The following TMOD1 variants were observed in gnomAD, a reference collection of about 807,000 sequenced individuals.
TMOD1 encodes the protein tropomodulin-1.
TMOD1 carries 17 observed loss-of-function variants against 40.6 expected under a neutral mutation model. The observed-to-expected ratio is 0.42, with a 90% CI of 0.29 to 0.63. The LOEUF (loss-of-function observed/expected upper bound fraction) is 0.63, where lower values mean the gene tolerates loss of function less well. TMOD1 is among the 20% of genes least tolerant of loss of function. The pLI is 0.22. For synonymous variants in TMOD1, 181 were observed against 175.0 expected, an observed-to-expected ratio of 1.03 and a Z score of -0.27; for missense variants, 391 against 447.6, an observed-to-expected ratio of 0.87 and a Z score of 1.14.
intron 1 of TMOD1, chr9:97,512,865 T>C (rs1346498860): frequency 1.3e-5 from 2 of 152,190 alleles, no homozygotes; most frequent in Non-Finnish European, 2.9e-5. Flanking sequence ...TTCATTTGAA[T>C]GTCTACATAG....
chr9:97,570,291 C>T (rs1331808244), intron 8 of TMOD1, among the ~76,000 whole-genome samples: 2 of 152,194 alleles, frequency 1.3e-5, no homozygotes, highest in African/African-American at 4.8e-5. Flanking sequence ...GCCTTTCCCT[C>T]CTCATGGAAT....
intron 8 of TMOD1, among the ~76,000 whole-genome samples, chr9:97,574,013 G>T (rs1830866190): frequency 6.6e-6 from 1 of 152,208 alleles, no homozygotes; most frequent in Non-Finnish European, 1.5e-5. Context: ...TGTCACAGGA[G>T]TTGACCAGAA....
rs1030881127 is a variant in TMOD1 at position 97,557,592 on chromosome 9, A to T, written c.397+4192A>T. ...CCCTGCCAGTGGCAGGGTGTATCTTATCCAGGAGCAGCTCAACTGCATCCA... is the reference window on the plus strand; with the variant it reads ...CCCTGCCAGTGGCAGGGTGTATCTTTTCCAGGAGCAGCTCAACTGCATCCA... On this transcript the variant is annotated intron_variant, in intron 4 of 9. Transcript: ENST00000259365. The surrounding 1 kb of genome is among the most constrained non-coding windows in gnomAD (Gnocchi z 4.4). 6.6e-6 allele frequency among the ~76,000 whole-genome samples: 1 copy of T among 152,190 alleles called. No homozygotes were observed. The highest frequency in any genetic ancestry group is 2.4e-5 in the African/African-American group (1 of 41,460).
At chr9:97,508,088 CACACACACACACACACA>C (rs1473678646) in intron 1 of TMOD1, among the ~76,000 whole-genome samples, 4 of 151,258 alleles carry the variant, frequency 2.6e-5, no homozygotes, top group Non-Finnish European at 2.9e-5. Flanking sequence ...CACACACACA[CACACACACACACACACA>C]GACTCTGGAG....
intron 2 of TMOD1, among the ~76,000 whole-genome samples, chr9:97,526,699 T>G (rs1830020024): frequency 6.6e-6 from 1 of 152,090 alleles, no homozygotes; most frequent in Non-Finnish European, 1.5e-5. Flanking sequence ...GATGAAAAAA[T>G]GCAGGACTAG....
chr9:97,571,064 C>T (rs1425662794), intron 8 of TMOD1, among the ~76,000 whole-genome samples: 1 of 152,158 alleles, frequency 6.6e-6, no homozygotes, highest in Non-Finnish European at 1.5e-5. Context: ...CCACTGGAGG[C>T]AAGAGGGGCA....
At chr9:97,555,329 C>T in intron 4 of TMOD1, 2 of 1,169,572 alleles carry the variant, frequency 1.7e-6, no homozygotes, top group Non-Finnish European at 2.1e-6. Flanking sequence ...TGGACTGGGG[C>T]TGTTTTTACC....
intron 2 of TMOD1, among the ~76,000 whole-genome samples, chr9:97,540,986 A>T (rs1266230465): frequency 6.6e-6 from 1 of 152,102 alleles, no homozygotes; most frequent in Non-Finnish European, 1.5e-5. Context: ...GTTGCTCTAT[A>T]TTCTCATCAG....
rs192704556 is a variant in TMOD1, at chr9:97,580,670, C to T, written c.871-10621C>T. Among the ~76,000 whole-genome samples the T allele has an allele frequency of 2.0e-3, 308 of 152,124 alleles. 2 individuals are homozygous for T. Among genetic ancestry groups the T allele is most frequent in the African/African-American group, 7.1e-3 (293 of 41,500 alleles). On this transcript the variant is annotated intron_variant, in intron 8 of 9. Coordinates refer to ENST00000259365, the MANE Select transcript of TMOD1 (RefSeq NM_003275.4). ...GGAGGGAGGGAGGGAACAGAGAGAT[C>T]CCTTGTACTCTATGCAGTTTAGGTG...
rs201709649 is a variant in TMOD1 at position 97,592,731 on chromosome 9, T to TAC, written c.1015+1311_1015+1312dup. Among the ~76,000 whole-genome samples, 389 of 151,592 alleles carry TAC rather than the reference T, an allele frequency of 2.6e-3. 3 individuals are homozygous for TAC. The highest frequency in any genetic ancestry group is 0.015 in the East Asian group (75 of 5,156). ...CCACATGCACAGATAACCACAGGAT[T>TAC]ACACACACACACACACTTTAGATCG... On this transcript the variant is annotated intron_variant, in intron 9 of 9. Coordinates refer to ENST00000259365, the MANE Select transcript of TMOD1 (RefSeq NM_003275.4).
rs552819205 is a variant in TMOD1 at position 97,586,703 on chromosome 9, C to T, written c.871-4588C>T. ...CCGAGCCAGGTGCGGGATATAATCT[C>T]GTGGTGCGCCATTTTTTAAGCCCGT... On this transcript the variant is annotated intron_variant, in intron 8 of 9. Transcript: ENST00000259365. 3.2e-4 allele frequency among the ~76,000 whole-genome samples: 49 copies of T among 152,156 alleles called. No homozygotes were observed. In the South Asian group the frequency reaches 5.6e-3, roughly 17 times the overall value.
intron 3 of TMOD1, among the ~76,000 whole-genome samples, chr9:97,547,649 A>C (rs1450009084): frequency 6.6e-6 from 1 of 152,218 alleles, no homozygotes; most frequent in African/African-American, 2.4e-5. Context: ...TCTCAACTGT[A>C]CAGTCTTCTC....
chr9:97,516,909 G>A (rs1829819441), intron 1 of TMOD1: 1 of 152,186 alleles, frequency 6.6e-6, no homozygotes, highest in Non-Finnish European at 1.5e-5. Flanking sequence ...GGATAGTAGT[G>A]ACGGTTGCAC....
At chr9:97,588,507 A>G (rs965143396) in intron 8 of TMOD1, among the ~76,000 whole-genome samples, 2 of 152,172 alleles carry the variant, frequency 1.3e-5, no homozygotes, top group African/African-American at 4.8e-5. Flanking sequence ...ATTTTTACAA[A>G]TATCAATACA....
intron 4 of TMOD1, among the ~76,000 whole-genome samples, chr9:97,560,231 G>A (rs1830616597): frequency 2.0e-5 from 3 of 152,068 alleles, no homozygotes; most frequent in South Asian, 4.1e-4. Flanking sequence ...GAAGCCTACA[G>A]TCTAGTAGCA....
At chr9:97,539,563 A>G (rs1830243149) in intron 2 of TMOD1, among the ~76,000 whole-genome samples, 2 of 152,240 alleles carry the variant, frequency 1.3e-5, no homozygotes, top group Non-Finnish European at 2.9e-5. Context: ...CATTTGGTGC[A>G]GTTACTGCAT....
At chr9:97,560,161 A>G (rs1830615670) in intron 4 of TMOD1, among the ~76,000 whole-genome samples, 1 of 151,854 alleles carries the variant, frequency 6.6e-6, no homozygotes, top group African/African-American at 2.4e-5. Flanking sequence ...ACCACCAAAT[A>G]TTTGCTAAAT....
intron 4 of TMOD1, 89 bp downstream of exon 4, chr9:97,553,489 A>G: frequency 6.5e-7 from 1 of 1,540,728 alleles, no homozygotes; most frequent in East Asian, 2.3e-5. Flanking sequence ...TTCAGCATGA[A>G]CACCTTCTCT....
At chr9:97,561,558 C>T (rs535595256) in intron 4 of TMOD1, among the ~76,000 whole-genome samples, 6 of 152,214 alleles carry the variant, frequency 3.9e-5, no homozygotes, top group Non-Finnish European at 5.9e-5. Flanking sequence ...AAGTGTCTTC[C>T]CTGGCCCAGA....
Sources: gnomAD v4.1 joint callset for allele counts (sites outside exome capture counted in the v4.1 genomes callset) on GRCh38, gnomAD v4.1.1 for gene constraint, Gnocchi (gnomAD v3.1) non-coding constraint, MANE v1.5 for transcripts, NCBI Gene and HGNC (gene_info 2026-07-23, HGNC 2026-07-21) for gene names.